RELN: variants seen among roughly 807,000 people sequenced by gnomAD.
RELN encodes the protein reelin.
Under a neutral mutation model 427.6 loss-of-function variants are expected in RELN, and 108 were observed. That is an observed-to-expected ratio of 0.25 (90% CI 0.22 to 0.30). RELN has a LOEUF of 0.30. Among genes scored for constraint, RELN ranks in the 10% least tolerant of loss-of-function variants. The pLI is 1.00. For synonymous variants in RELN, 1,524 were observed against 1,513.4 expected (o/e 1.01, Z -0.16); for missense variants, 3,715 against 4,302.8 (o/e 0.86, Z 3.82).
At chr7:103,986,165 T>G (rs904935430) in intron 1 of RELN, among the ~76,000 whole-genome samples, 2 of 152,220 alleles carry the variant, frequency 1.3e-5, no homozygotes, top group Non-Finnish European at 2.9e-5. Context: ...ATACTCATGG[T>G]TCATTGTGAC....
intron 36 of RELN, among the ~76,000 whole-genome samples, chr7:103,560,334 T>C (rs1830615760): frequency 6.6e-6 from 1 of 152,214 alleles, no homozygotes; most frequent in Non-Finnish European, 1.5e-5. Context: ...ACCTACTGAA[T>C]GGCACATGCT....
At chr7:103,983,504 T>C (rs931955973) in intron 1 of RELN, among the ~76,000 whole-genome samples, 4 of 152,216 alleles carry the variant, frequency 2.6e-5, no homozygotes, top group African/African-American at 9.7e-5. Context: ...GAACAGTCAT[T>C]ATGAGATATT....
chr7:103,579,875 A>G (rs1831090565), intron 28 of RELN, among the ~76,000 whole-genome samples: 2 of 152,198 alleles, frequency 1.3e-5, no homozygotes, highest in Admixed American at 1.3e-4. Flanking sequence ...GATGCAGAGT[A>G]TTCTGAAGAA....
chr7:103,661,543 G>C lies in RELN; in HGVS notation c.1290-16C>G, dbSNP rs1422350126. ...GACATCCCATCTAAAAAAAAAGGGG[G>C]ATTAAGAGTTAGAGTTAGAATATTA... On this transcript the variant is annotated splice_polypyrimidine_tract_variant and intron_variant, in intron 11 of 64. Coordinates refer to ENST00000428762, the MANE Select transcript of RELN (RefSeq NM_005045.4). The C allele has an allele frequency of 1.2e-6, 2 of 1,612,076 alleles. No homozygotes were observed. The highest frequency in any genetic ancestry group is 1.7e-5 in the Admixed American group (1 of 59,948).
intron 2 of RELN, among the ~76,000 whole-genome samples, chr7:103,871,905 T>C (rs1042761051): frequency 3.3e-5 from 5 of 151,890 alleles, no homozygotes; most frequent in African/African-American, 1.2e-4. Flanking sequence ...GTAGAGTCTA[T>C]ATTAGAAATA....
At chr7:103,848,047 T>C (rs752863838) in intron 2 of RELN, among the ~76,000 whole-genome samples, 1 of 152,202 alleles carries the variant, frequency 6.6e-6, no homozygotes, top group Non-Finnish European at 1.5e-5. Flanking sequence ...AGATATAACA[T>C]TGCTAGGGAT....
intron 4 of RELN, among the ~76,000 whole-genome samples, chr7:103,759,401 G>C (rs1198261392): frequency 6.6e-6 from 1 of 152,084 alleles, no homozygotes; most frequent in Non-Finnish European, 1.5e-5. Context: ...AAGTTTCAAA[G>C]GAATAACATG....
intron 50 of RELN, chr7:103,512,649 C>T (rs1455648504): frequency 6.6e-6 from 1 of 152,236 alleles, no homozygotes; most frequent in Admixed American, 6.5e-5. Context: ...ACAACCCTCA[C>T]AGTTCCTTTT....
intron 3 of RELN, among the ~76,000 whole-genome samples, chr7:103,800,623 A>T (rs1792439080): frequency 6.6e-6 from 1 of 152,232 alleles, no homozygotes; most frequent in African/African-American, 2.4e-5. Flanking sequence ...AAACCATAAA[A>T]ACCCTAGAAG....
At chr7:103,555,844 T>A (rs1830509880) in intron 38 of RELN, among the ~76,000 whole-genome samples, 1 of 152,186 alleles carries the variant, frequency 6.6e-6, no homozygotes, top group African/African-American at 2.4e-5. Flanking sequence ...ACATTAAAAA[T>A]TTTGTTTTAT....
intron 5 of RELN, among the ~76,000 whole-genome samples, chr7:103,751,916 G>T (rs1224628205): frequency 1.3e-5 from 2 of 152,226 alleles, no homozygotes; most frequent in Non-Finnish European, 2.9e-5. Flanking sequence ...CAGCTAGGAT[G>T]ATTTCTTTTC....
intron 49 of RELN, among the ~76,000 whole-genome samples, chr7:103,518,481 T>C (rs1316482700): frequency 1.4e-5 from 2 of 146,350 alleles, no homozygotes; most frequent in African/African-American, 2.6e-5. Context: ...TACAGGCACA[T>C]GCCACCACAC....
In RELN at chr7:103,652,813, G is replaced by A. The variant is rs569113954; in HGVS notation, c.1555-54C>T. 1.8e-5 allele frequency: 28 copies of A among 1,529,198 alleles called. No homozygotes were observed. The African/African-American group carries it at 3.7e-4, about 20-fold the overall frequency. 94.7% of individuals were successfully genotyped at this position (1,529,198 alleles called of 1,614,324 possible). A position where few individuals can be genotyped will look rare whatever the true frequency, so the allele number is the denominator to read the frequency against. ...CAAAATCCTTTCTAGGCTAGTCCAT[G>A]TAAATTCTCCTAGATTTGACCTAAT... On this transcript the variant is annotated intron_variant, in intron 13 of 64. Transcript: ENST00000428762.
At chr7:103,807,789 A>C (rs1378236858) in intron 3 of RELN, among the ~76,000 whole-genome samples, 1 of 152,050 alleles carries the variant, frequency 6.6e-6, no homozygotes, top group Non-Finnish European at 1.5e-5. Context: ...AAAGGGCATG[A>C]TTTCATTCTT....
At chr7:103,909,759 T>TATATATTAA (rs1795312408) in intron 2 of RELN, among the ~76,000 whole-genome samples, 1 of 88,482 alleles carries the variant, frequency 1.1e-5, no homozygotes, top group East Asian at 3.3e-4. Flanking sequence ...ATATATTAAA[T>TATATATTAA]ATATATATTT....
At chr7:103,543,295 T>C (rs1263038523) in intron 42 of RELN, among the ~76,000 whole-genome samples, 1 of 152,158 alleles carries the variant, frequency 6.6e-6, no homozygotes, top group Admixed American at 6.5e-5. Flanking sequence ...CAACAAAATA[T>C]TTAAAAAAAC....
chr7:103,708,464 C>CTTTTTTTT lies in RELN; in HGVS notation c.806-7466_806-7459dup, dbSNP rs745955015. On this transcript the variant is annotated intron_variant, in intron 8 of 64. Coordinates refer to ENST00000428762, the MANE Select transcript of RELN (RefSeq NM_005045.4). Reference sequence around the variant, plus strand: ...CACCCAAACACCAGTGGGTATGACTCTTTTTTTTTTTTTTTTTGAGACGGA... The same window carrying CTTTTTTTT: ...CACCCAAACACCAGTGGGTATGACTCTTTTTTTTTTTTTTTTTTTTTTTTTGAGACGGA... Among the ~76,000 whole-genome samples, 687 of 109,970 alleles carry CTTTTTTTT rather than the reference C, an allele frequency of 6.2e-3. 106 individuals are homozygous for CTTTTTTTT. Among genetic ancestry groups the CTTTTTTTT allele is most frequent in the African/African-American group, 0.029 (644 of 22,540 alleles). The allele number at this position is 109,970 out of a possible 152,430, so 72.1% of individuals were successfully genotyped here.
chr7:103,688,795 G>C (rs1037632696), intron 10 of RELN, among the ~76,000 whole-genome samples: 1 of 152,086 alleles, frequency 6.6e-6, no homozygotes, highest in Non-Finnish European at 1.5e-5. Flanking sequence ...TAAGGTACAA[G>C]AGCAACAGAA....
chr7:103,610,914 A>C, intron 21 of RELN, 107 bp from the exon 22 acceptor site: 1 of 728,516 alleles, frequency 1.4e-6, no homozygotes, highest in Non-Finnish European at 2.5e-6. Flanking sequence ...ATCTAATGTC[A>C]TAATCTTAAC....
Sources: allele counts gnomAD v4.1 joint callset (sites outside exome capture counted in the v4.1 genomes callset), GRCh38; gene constraint gnomAD v4.1.1; transcripts MANE v1.5; gene names NCBI Gene and HGNC (gene_info 2026-07-23, HGNC 2026-07-21).